Variants in DMD observed in about 807,000 individuals in gnomAD.
DMD encodes dystrophin.
Under a neutral mutation model 330.1 loss-of-function variants are expected in DMD, and 63 were observed. The observed-to-expected ratio is 0.19, with a 90% CI of 0.16 to 0.24. DMD has a LOEUF of 0.24. Among genes scored for constraint, DMD ranks in the 10% least tolerant of loss-of-function variants. The pLI is 1.00. For synonymous variants in DMD, 1,223 were observed against 959.8 expected, an observed-to-expected ratio of 1.27 and a Z score of -5.07; for missense variants, 3,344 against 2,684.1, an observed-to-expected ratio of 1.25 and a Z score of -5.43.
In DMD at chrX:31,750,201, A is replaced by G. The variant is rs1287313883; in HGVS notation, c.7543-20453T>C. On this transcript the variant is annotated intron_variant, in intron 51 of 78. Coordinates refer to ENST00000357033, the MANE Select transcript of DMD (RefSeq NM_004006.3). Reference sequence around the variant, plus strand: ...TTGTTGCCCTTGCTTTTGGTGTTTTAGACATGAAGTCCTTGCCCATGCCTA... The same window carrying G: ...TTGTTGCCCTTGCTTTTGGTGTTTTGGACATGAAGTCCTTGCCCATGCCTA... 4.6e-5 allele frequency among the ~76,000 whole-genome samples: 5 copies of G among 109,336 alleles called. No homozygotes were observed. In the East Asian group the frequency reaches 1.1e-3, roughly 25 times the overall value. 94.9% of individuals were successfully genotyped at this position (109,336 alleles called of 115,157 possible). A position where few individuals can be genotyped will look rare whatever the true frequency, so the allele number is the denominator to read the frequency against.
At chrX:31,221,184 T>A (rs1401704026) in intron 64 of DMD, among the ~76,000 whole-genome samples, 1 of 111,116 alleles carries the variant, frequency 9.0e-6, no homozygotes, top group Non-Finnish European at 1.9e-5. Flanking sequence ...ATCGCACCAA[T>A]CCATACTCTG....
intron 44 of DMD, among the ~76,000 whole-genome samples, chrX:32,050,635 C>T (rs1291811991): frequency 1.8e-5 from 2 of 110,989 alleles, no homozygotes; most frequent in African/African-American, 6.5e-5. Context: ...ACCTTATGTT[C>T]TATAAGGAAT....
intron 15 of DMD, among the ~76,000 whole-genome samples, chrX:32,571,543 T>C (rs1277941046): frequency 8.9e-6 from 1 of 111,912 alleles, no homozygotes; most frequent in Non-Finnish European, 1.9e-5. Context: ...ACTTAATGTG[T>C]CACTCTACAC....
At chrX:32,387,687 T>A (rs2097969038) in intron 32 of DMD, among the ~76,000 whole-genome samples, 1 of 111,418 alleles carries the variant, frequency 9.0e-6, no homozygotes, top group African/African-American at 3.2e-5. Flanking sequence ...GTTTCCCAGA[T>A]GATATTATTT....
At chrX:32,666,689 C>T (rs897648604) in intron 9 of DMD, among the ~76,000 whole-genome samples, 6 of 109,704 alleles carry the variant, frequency 5.5e-5, no homozygotes, top group Non-Finnish European at 5.7e-5. Flanking sequence ...ATTAGCCAGG[C>T]GTGGTGGTGG....
intron 41 of DMD, among the ~76,000 whole-genome samples, chrX:32,311,176 C>T (rs2097561022): frequency 9.0e-6 from 1 of 111,271 alleles, no homozygotes; most frequent in Non-Finnish European, 1.9e-5. Flanking sequence ...AAATTATTCT[C>T]CCAATAACTT....
intron 7 of DMD, among the ~76,000 whole-genome samples, chrX:32,769,385 C>T (rs1288551977): frequency 9.0e-6 from 1 of 111,037 alleles, no homozygotes; most frequent in Non-Finnish European, 1.9e-5. Flanking sequence ...AAGACCTGCC[C>T]CCATGATTCA....
intron 23 of DMD, among the ~76,000 whole-genome samples, chrX:32,467,675 ATGTG>A (rs1314604737): frequency 9.4e-6 from 1 of 105,831 alleles, no homozygotes; most frequent in African/African-American, 3.6e-5. Flanking sequence ...TGTTATATGT[ATGTG>A]TGTGTATATA....
Position 32,414,093 on chromosome X carries a change from C to T in DMD, c.4072-2180G>A, listed in dbSNP as rs1274847058. ...TCCTGCTGGTGTCTTTTACTCCCTG[C>T]TCTAGCTATACAGAAATTTTATTTT... On this transcript the variant is annotated intron_variant, in intron 29 of 78. Coordinates refer to ENST00000357033, the MANE Select transcript of DMD (RefSeq NM_004006.3). Among the ~76,000 whole-genome samples the T allele has an allele frequency of 2.7e-5, 3 of 111,622 alleles. No homozygotes were observed. The Admixed American group carries it at 2.9e-4, about 11-fold the overall frequency.
intron 2 of DMD, among the ~76,000 whole-genome samples, chrX:32,887,823 A>C (rs2084815023): frequency 9.7e-6 from 1 of 102,683 alleles, no homozygotes; most frequent in African/African-American, 3.6e-5. Flanking sequence ...GATTTTTTGG[A>C]TATGAACCCA....
chrX:32,394,922 A>AAAAAAAACAAAAAAAAAAAAAAAAAAC (rs1557326755), intron 30 of DMD, among the ~76,000 whole-genome samples: 1 of 22,279 alleles, frequency 4.5e-5, no homozygotes, highest in Non-Finnish European at 9.7e-5. Flanking sequence ...AAAACAAAAA[A>AAAAAAAACAAAAAAAAAAAAAAAAAAC]AAAAAAAAAA....
At chrX:32,946,852 G>A (rs2090852090) in intron 2 of DMD, among the ~76,000 whole-genome samples, 1 of 111,372 alleles carries the variant, frequency 9.0e-6, no homozygotes, top group Non-Finnish European at 1.9e-5. Flanking sequence ...CCAGTGACTA[G>A]GTTGCCACCT....
At chrX:31,601,564 T>C (rs755268187) in intron 55 of DMD, among the ~76,000 whole-genome samples, 13 of 111,598 alleles carry the variant, frequency 1.2e-4, no homozygotes, top group African/African-American at 4.2e-4. Context: ...TTTACCCTGA[T>C]TGGGGCTGAG....
rs534427437 is a variant in DMD, at chrX:32,749,881, A to C, written c.650-50588T>G. Among the ~76,000 whole-genome samples the C allele has an allele frequency of 8.0e-5, 9 of 112,727 alleles. No individual in the cohort carries two copies. In the South Asian group the frequency reaches 3.3e-3, roughly 41 times the overall value. On this transcript the variant is annotated intron_variant, in intron 7 of 78. Transcript: ENST00000357033. ...GCTAACACCACACATAGCAAAAAAG[A>C]TTTGATGTTAGGTATTAGGAATTGC...
intron 26 of DMD, among the ~76,000 whole-genome samples, chrX:32,450,374 C>T (rs182467972): frequency 9.0e-5 from 10 of 111,129 alleles, no homozygotes; most frequent in Non-Finnish European, 1.3e-4. Context: ...TTAACTTCAC[C>T]GATTTTAATT....
chrX:32,444,954 A>G lies in DMD; in HGVS notation c.3786+3502T>C, dbSNP rs1209135284. 3.6e-5 allele frequency among the ~76,000 whole-genome samples: 4 copies of G among 111,012 alleles called. No homozygotes were observed. The Admixed American group carries it at 3.8e-4, about 11-fold the overall frequency. ...GAAGGAATCAAAAACAACTCTTTCA[A>G]ACTTCTCATTCCTGAAAGGTACGGA... On this transcript the variant is annotated intron_variant, in intron 27 of 78. Coordinates refer to ENST00000357033, the MANE Select transcript of DMD (RefSeq NM_004006.3).
In DMD at chrX:32,196,999, A is replaced by AAAAC. The variant is rs1557205991; in HGVS notation, c.6438+19916_6438+19917insGTTT. ...GAGACTCCATCTCAAAAAAAAAAAAAAAAAAACAAAAACAAAAGAAAAAAC... is the reference window on the plus strand; with the variant it reads ...GAGACTCCATCTCAAAAAAAAAAAAAAAACAAAAAACAAAAACAAAAGAAAAAAC... On this transcript the variant is annotated intron_variant, in intron 44 of 78. Transcript: ENST00000357033. 6.7e-5 allele frequency among the ~76,000 whole-genome samples: 7 copies of AAAAC among 103,766 alleles called. No individual in the cohort carries two copies. The East Asian group carries it at 1.8e-3, about 27-fold the overall frequency. 90.1% of individuals were successfully genotyped at this position (103,766 alleles called of 115,157 possible). A position where few individuals can be genotyped will look rare whatever the true frequency, so the allele number is the denominator to read the frequency against.
intron 41 of DMD, among the ~76,000 whole-genome samples, chrX:32,336,122 A>G (rs1014780510): frequency 2.7e-5 from 3 of 109,944 alleles, no homozygotes; most frequent in Non-Finnish European, 5.7e-5. Flanking sequence ...TATATGTTAT[A>G]TGTAACATGT....
intron 55 of DMD, among the ~76,000 whole-genome samples, chrX:31,513,437 A>G (rs2071856755): frequency 9.0e-6 from 1 of 110,555 alleles, no homozygotes; most frequent in Non-Finnish European, 1.9e-5. Flanking sequence ...TTTAAAGACT[A>G]CACCTCAGAC....
Sources: allele counts gnomAD v4.1 joint callset (sites outside exome capture counted in the v4.1 genomes callset), GRCh38; gene constraint gnomAD v4.1.1; transcripts MANE v1.5; gene names NCBI Gene and HGNC (gene_info 2026-07-23, HGNC 2026-07-21).